Variants in STPG2 observed in about 807,000 individuals in gnomAD.
STPG2 encodes sperm tail PG-rich repeat containing 2.
STPG2 carries 56 observed loss-of-function variants against 54.2 expected under a neutral mutation model. The ratio of observed to expected loss-of-function variants is 1.03; its 90% CI spans 0.83 to 1.29. The LOEUF (loss-of-function observed/expected upper bound fraction) is 1.29, where lower values mean the gene tolerates loss of function less well. STPG2 is among the 50% of genes most tolerant of loss of function. The pLI, the probability that STPG2 is intolerant of heterozygous loss-of-function variation, is 0.00. For synonymous variants in STPG2, 200 were observed against 181.8 expected (o/e 1.10, Z -0.81); for missense variants, 596 against 544.9 (o/e 1.09, Z -0.93).
intron 4 of STPG2, among the ~76,000 whole-genome samples, chr4:97,492,374 A>G (rs1041432072): frequency 4.0e-5 from 6 of 151,512 alleles, no homozygotes; most frequent in African/African-American, 1.5e-4. Flanking sequence ...AAATATAAAC[A>G]TCAAGGAGAG....
rs912632920 is a variant in STPG2 at position 97,849,473 on chromosome 4, G to C, written c.1045-8541C>G. Among the ~76,000 whole-genome samples the C allele has an allele frequency of 2.0e-5, 3 of 151,922 alleles. 1 individual carries two copies. The South Asian group carries it at 6.2e-4, about 32-fold the overall frequency. On this transcript the variant is annotated intron_variant, in intron 8 of 10. Coordinates refer to ENST00000295268, the MANE Select transcript of STPG2 (RefSeq NM_174952.3). ...CACAGTGAAAGAAACTACCATCAGAGTGAACAGGCAACCTACAACATGGGA... is the reference window on the plus strand; with the variant it reads ...CACAGTGAAAGAAACTACCATCAGACTGAACAGGCAACCTACAACATGGGA...
At chr4:97,779,397 G>T (rs1167745134) in intron 9 of STPG2, among the ~76,000 whole-genome samples, 3 of 152,114 alleles carry the variant, frequency 2.0e-5, no homozygotes, top group Non-Finnish European at 4.4e-5. Flanking sequence ...AGGGTAAAAA[G>T]AAATGAACAA....
intron 9 of STPG2, among the ~76,000 whole-genome samples, chr4:97,736,867 A>C (rs941015826): frequency 1.3e-5 from 2 of 152,198 alleles, no homozygotes; most frequent in South Asian, 2.1e-4. Flanking sequence ...TGGTTCTCCC[A>C]GCACGCAGAT....
chr4:97,956,754 C>T (rs933282394), intron 7 of STPG2, among the ~76,000 whole-genome samples: 1 of 152,052 alleles, frequency 6.6e-6, no homozygotes, highest in African/African-American at 2.4e-5. Context: ...AAGCCACACC[C>T]CTAGGAAAAG....
Position 97,818,449 on chromosome 4 carries a change from GTC to G in STPG2, c.1204+22322_1204+22323del, listed in dbSNP as rs369459363. ...TTGTTATAAAAGTTGTGTGAATATG[GTC>G]TCTCTCTCTCTCTCAAAATATTTTA... On this transcript the variant is annotated intron_variant, in intron 9 of 10. Coordinates refer to ENST00000295268, the MANE Select transcript of STPG2 (RefSeq NM_174952.3). Among the ~76,000 whole-genome samples, 45 of 150,482 alleles carry G rather than the reference GTC, an allele frequency of 3.0e-4. No individual in the cohort carries two copies. In the East Asian group the frequency reaches 5.7e-3, roughly 19 times the overall value.
At chr4:97,600,345 A>T (rs1386254523) in intron 10 of STPG2, among the ~76,000 whole-genome samples, 1 of 152,236 alleles carries the variant, frequency 6.6e-6, no homozygotes, top group African/African-American at 2.4e-5. Context: ...AGGTGCTAGA[A>T]TATAAACATG....
At chr4:98,109,374 G>T in intron 3 of STPG2, 69 bp from the exon 4 acceptor site, 4 of 1,187,220 alleles carry the variant, frequency 3.4e-6, no homozygotes, top group Non-Finnish European at 3.6e-6. Context: ...ACAATGTTTG[G>T]CTTTACCTAA....
intron 8 of STPG2, among the ~76,000 whole-genome samples, chr4:97,861,971 C>T (rs1729564160): frequency 6.6e-6 from 1 of 151,822 alleles, no homozygotes; most frequent in African/African-American, 2.4e-5. Context: ...CAAAAACATG[C>T]CAAATTGTAA....
chr4:97,545,957 G>C (rs1731825043), intron 4 of STPG2, among the ~76,000 whole-genome samples: 2 of 152,026 alleles, frequency 1.3e-5, no homozygotes, highest in Admixed American at 6.5e-5. Flanking sequence ...AATGGAATGA[G>C]GTGTTAAGCC....
chr4:97,912,647 A>T (rs2149201130), intron 8 of STPG2, among the ~76,000 whole-genome samples: 1 of 152,344 alleles, frequency 6.6e-6, no homozygotes, highest in South Asian at 2.1e-4. Context: ...TGAACAAAAA[A>T]GAATGAAAAG....
chr4:97,548,259 T>C (rs1209109893), intron 4 of STPG2, among the ~76,000 whole-genome samples: 1 of 152,142 alleles, frequency 6.6e-6, no homozygotes, highest in Non-Finnish European at 1.5e-5. Context: ...TATCAACTTT[T>C]TTAGTATGAA....
At position 97,493,299 on chromosome 4, in the gene STPG2, T is replaced by C. The variant is rs914561999; in HGVS notation, c.462+219400A>G. 1.4e-4 allele frequency among the ~76,000 whole-genome samples: 21 copies of C among 151,540 alleles called. 1 individual carries two copies. In the South Asian group the frequency reaches 4.1e-3, roughly 30 times the overall value. ...GAAGTGTATACAAATAAACTGGTTA[T>C]TGTTATTGTTTGAAGTTACTAACTT... is the stretch of plus-strand genomic sequence containing the variant. On this transcript the variant is annotated intron_variant, in intron 4 of 4. Coordinates refer to the STPG2 transcript ENST00000522676.
intron 5 of STPG2, among the ~76,000 whole-genome samples, chr4:98,038,087 C>A (rs1340040200): frequency 6.6e-6 from 1 of 151,356 alleles, no homozygotes; most frequent in Admixed American, 6.6e-5. Context: ...GGTGCCCAGG[C>A]TAGCCTTGAA....
At chr4:97,590,101 T>G (rs1370443941) in intron 10 of STPG2, among the ~76,000 whole-genome samples, 2 of 152,186 alleles carry the variant, frequency 1.3e-5, no homozygotes, top group African/African-American at 2.4e-5. Context: ...TTATAGGTGC[T>G]TAAATTTAGT....
intron 10 of STPG2, among the ~76,000 whole-genome samples, chr4:97,677,152 G>A (rs1424864212): frequency 6.6e-6 from 1 of 152,142 alleles, no homozygotes; most frequent in African/African-American, 2.4e-5. Context: ...CTAATGGACA[G>A]TCAGGTACTA....
intron 10 of STPG2, among the ~76,000 whole-genome samples, chr4:97,646,488 G>T (rs56945629): frequency 0.14 from 20,764 of 151,902 alleles, 4,134 homozygotes; most frequent in African/African-American, 0.44. Context: ...TATACATTGA[G>T]GTTAACTGAA....
At chr4:98,112,001 C>T (rs1487092113) in intron 3 of STPG2, among the ~76,000 whole-genome samples, 1 of 151,988 alleles carries the variant, frequency 6.6e-6, no homozygotes, top group Non-Finnish European at 1.5e-5. Flanking sequence ...TCCCGTGGTT[C>T]TCAGGCCTTC....
intron 5 of STPG2, among the ~76,000 whole-genome samples, chr4:98,031,090 C>A (rs779860970): frequency 6.6e-6 from 1 of 152,014 alleles, no homozygotes; most frequent in African/African-American, 2.4e-5. Flanking sequence ...AATAGAGAAC[C>A]CAGAAATAAA....
intron 10 of STPG2, among the ~76,000 whole-genome samples, chr4:97,675,989 T>A (rs1170749636): frequency 2.7e-5 from 4 of 146,438 alleles, no homozygotes; most frequent in Admixed American, 6.9e-5. Flanking sequence ...ACTATATATA[T>A]AAAACATATA....
Sources: gnomAD v4.1 joint callset for allele counts (sites outside exome capture counted in the v4.1 genomes callset) on GRCh38, gnomAD v4.1.1 for gene constraint, MANE v1.5 for transcripts, NCBI Gene and HGNC (gene_info 2026-07-23, HGNC 2026-07-21) for gene names.